Variants in COL5A1 observed in about 807,000 individuals in gnomAD.
The protein encoded by COL5A1 is collagen type V alpha 1 chain, also known as collagen alpha-1(V) chain.
COL5A1 carries 16 observed loss-of-function variants against 263.7 expected under a neutral mutation model. The observed-to-expected ratio is 0.06, with a 90% confidence interval of 0.04 to 0.09. COL5A1 has a LOEUF of 0.09. Among genes scored for constraint, COL5A1 ranks in the 10% least tolerant of loss-of-function variants. COL5A1 has a pLI of 1.00. For synonymous variants in COL5A1, 1,012 were observed against 1,004.5 expected, an observed-to-expected ratio of 1.01 and a Z score of -0.14; for missense variants, 2,036 against 2,540.5, an observed-to-expected ratio of 0.80 and a Z score of 4.27.
intron 2 of COL5A1, among the ~76,000 whole-genome samples, chr9:134,695,781 C>T (rs577191451): frequency 7.9e-5 from 12 of 152,308 alleles, no homozygotes; most frequent in African/African-American, 1.2e-4. Flanking sequence ...CACTTCTGGC[C>T]ATGACAAATG....
chr9:134,667,477 G>A (rs6537938), intron 1 of COL5A1, among the ~76,000 whole-genome samples: 35,573 of 152,026 alleles, frequency 0.23, 5,240 homozygotes, highest in African/African-American at 0.41. Flanking sequence ...TGGTGTGGCC[G>A]GTGACCTCCA....
Position 134,683,945 on chromosome 9 carries a change from G to A in COL5A1, c.110-6967G>A, listed in dbSNP as rs1588433901. On this transcript the variant is annotated intron_variant, in intron 1 of 65. Coordinates refer to ENST00000371817, the MANE Select transcript of COL5A1 (RefSeq NM_000093.5). ...CTTCCTCGAGGCTGGCAGGATGGTG[G>A]TGCTATGGAGCGTCCAGGCTCAGGT... Among the ~76,000 whole-genome samples, 5 of 152,356 alleles carry A rather than the reference G, an allele frequency of 3.3e-5. No homozygotes were observed. The South Asian group carries it at 8.3e-4, about 25-fold the overall frequency.
chr9:134,764,904 G>C, intron 20 of COL5A1, among the ~76,000 whole-genome samples: 1 of 152,170 alleles, frequency 6.6e-6, no homozygotes, highest in East Asian at 1.9e-4. Flanking sequence ...CAGTAAGTGG[G>C]GGAAGGAGTT....
At position 134,802,137 on chromosome 9, in the gene COL5A1, G is replaced by T. The variant is rs574670807; in HGVS notation, c.3006+130G>T. ...CAGGTACTGCTGAGAGGTTATCTTA[G>T]GTCCTGAATGTTGGTCAGCGTGAGG... On this transcript the variant is annotated intron_variant, in intron 38 of 65. Coordinates refer to ENST00000371817, the MANE Select transcript of COL5A1 (RefSeq NM_000093.5). 1.6e-4 allele frequency: 145 copies of T among 928,772 alleles called. 1 individual carries two copies. In the African/African-American group the frequency reaches 2.1e-3, roughly 14 times the overall value. 57.5% of individuals were successfully genotyped at this position (928,772 alleles called of 1,614,324 possible). A position where few individuals can be genotyped will look rare whatever the true frequency, so the allele number is the denominator to read the frequency against.
At chr9:134,766,243 C>T (rs1836659368) in intron 21 of COL5A1, among the ~76,000 whole-genome samples, 1 of 152,138 alleles carries the variant, frequency 6.6e-6, no homozygotes, top group Admixed American at 6.5e-5. Flanking sequence ...CCTGGCAGTT[C>T]AGTTAACCTT....
intron 1 of COL5A1, among the ~76,000 whole-genome samples, chr9:134,671,152 C>G (rs1832529005): frequency 6.6e-6 from 1 of 152,236 alleles, no homozygotes; most frequent in Non-Finnish European, 1.5e-5. Context: ...TTGTGCTTCA[C>G]CCACTTCTGG....
At chr9:134,662,754 G>C (rs1485901512) in intron 1 of COL5A1, among the ~76,000 whole-genome samples, 1 of 152,204 alleles carries the variant, frequency 6.6e-6, no homozygotes. Context: ...TGCCAGCTTG[G>C]ATGGGGACGG....
chr9:134,814,714 G>A lies in COL5A1; in HGVS notation c.3907-83G>A, dbSNP rs963345465. The stretch of plus-strand genomic sequence containing the variant: ...ACTTGGAAAGGCTGGTCTGAATGGG[G>A]TGAGAAAACCGGGGAGGCCCACCTT... On this transcript the variant is annotated intron_variant, in intron 49 of 65. Transcript: ENST00000371817. 4.9e-6 allele frequency: 5 copies of A among 1,030,790 alleles called. No homozygotes were observed. The Middle Eastern group carries it at 6.0e-4, about 125-fold the overall frequency. 63.9% of individuals were successfully genotyped at this position (1,030,790 alleles called of 1,614,324 possible).
chr9:134,732,704 T>C lies in COL5A1; in HGVS notation c.1389+577T>C, dbSNP rs140978223. ...AGTAAAACCCAACTATGTTAGGTAA[T>C]GAGATCACGGGTGAGTTCAAAAAGT... On this transcript the variant is annotated intron_variant, in intron 9 of 65. Transcript: ENST00000371817. 1,580 of 187,426 alleles carry C rather than the reference T, an allele frequency of 8.4e-3. 16 individuals carry two copies. The highest frequency in any genetic ancestry group is 0.017 in the Middle Eastern group (7 of 408). The allele number at this position is 187,426 out of a possible 1,614,324, so 11.6% of individuals were successfully genotyped here.
At chr9:134,672,234 C>A (rs897819843) in intron 1 of COL5A1, among the ~76,000 whole-genome samples, 3 of 152,102 alleles carry the variant, frequency 2.0e-5, no homozygotes, top group Non-Finnish European at 4.4e-5. Flanking sequence ...GTTATAAAAG[C>A]AATATGTGTC....
intron 22 of COL5A1, 71 bp from the exon 23 acceptor site, chr9:134,766,929 G>T: frequency 7.1e-7 from 1 of 1,416,576 alleles, no homozygotes; most frequent in Non-Finnish European, 9.9e-7. Context: ...CAGTGAGGGG[G>T]CACACGACAC....
At chr9:134,759,604 ACC>A in intron 18 of COL5A1, among the ~76,000 whole-genome samples, 1 of 93,178 alleles carries the variant, frequency 1.1e-5, no homozygotes, top group Non-Finnish European at 2.0e-5. Context: ...ACACCCCCAC[ACC>A]CCCACACACA....
intron 32 of COL5A1, among the ~76,000 whole-genome samples, chr9:134,793,385 G>GA (rs141760329): frequency 2.3e-5 from 1 of 44,034 alleles, no homozygotes; most frequent in Non-Finnish European, 4.5e-5. Context: ...TAAGGAGGCT[G>GA]GGGGGGGCAT....
chr9:134,840,663 A>G (rs996950386), intron 65 of COL5A1, among the ~76,000 whole-genome samples: 2 of 152,178 alleles, frequency 1.3e-5, no homozygotes, highest in Non-Finnish European at 2.9e-5. Flanking sequence ...GCTCATAAGC[A>G]ACAGAAATTT....
chr9:134,828,328 G>A (rs1243796751), intron 63 of COL5A1, among the ~76,000 whole-genome samples: 1 of 152,106 alleles, frequency 6.6e-6, no homozygotes, highest in Non-Finnish European at 1.5e-5. Flanking sequence ...CCCAGGAAGC[G>A]GGCACAAGTA....
At position 134,789,939 on chromosome 9, in the gene COL5A1, G is replaced by A. The variant is rs991233436; in HGVS notation, c.2700+731G>A. On this transcript the variant is annotated intron_variant, in intron 32 of 65. Transcript: ENST00000371817. This position sits in a 1 kb window ranked among gnomAD's most constrained non-coding sequence, Gnocchi z 4.8. ...GGCCTTGTCCACGGGGCATATGGCG[G>A]GGACAGAGAAAGGCCAGTCTGTGGT... Among the ~76,000 whole-genome samples the A allele has an allele frequency of 6.6e-6, 1 of 152,220 alleles. No homozygotes were observed. Among genetic ancestry groups the A allele is most frequent in the African/African-American group, 2.4e-5 (1 of 41,448 alleles).
At chr9:134,834,611 C>G (rs1000399295) in intron 64 of COL5A1, among the ~76,000 whole-genome samples, 39 of 152,322 alleles carry the variant, frequency 2.6e-4, no homozygotes, top group African/African-American at 9.4e-4. Flanking sequence ...AAGACAGACA[C>G]TGTGACAAAC....
chr9:134,752,526 C>T (rs758819936), intron 13 of COL5A1, 63 bp from the exon 14 acceptor site: 116 of 1,290,504 alleles, frequency 9.0e-5, no homozygotes, highest in Middle Eastern at 3.7e-4. Flanking sequence ...ACGGCTCAGG[C>T]GCCAGCAAAC....
intron 38 of COL5A1, 102 bp from the exon 39 acceptor site, chr9:134,802,786 C>T: frequency 2.2e-6 from 2 of 901,672 alleles, no homozygotes; most frequent in Non-Finnish European, 3.6e-6. Flanking sequence ...CGCAGCAGAC[C>T]TTTGCGTCCA....
Sources: gnomAD v4.1 joint callset for allele counts (sites outside exome capture counted in the v4.1 genomes callset) on GRCh38, gnomAD v4.1.1 for gene constraint, Gnocchi (gnomAD v3.1) non-coding constraint, MANE v1.5 for transcripts, NCBI Gene and HGNC (gene_info 2026-07-23, HGNC 2026-07-21) for gene names.